Variants in ZDHHC14 observed in about 807,000 individuals in gnomAD.
ZDHHC14 encodes palmitoyltransferase ZDHHC14.
Under a neutral mutation model 47.7 loss-of-function variants are expected in ZDHHC14, and 16 were observed. The observed-to-expected ratio is 0.34, with a 90% CI of 0.23 to 0.51. The LOEUF (loss-of-function observed/expected upper bound fraction) is 0.51. Among genes scored for constraint, ZDHHC14 ranks in the 20% least tolerant of loss-of-function variants. ZDHHC14 has a pLI of 0.97. For missense variants in ZDHHC14, 515 were observed against 662.5 expected, an observed-to-expected ratio of 0.78 and a Z score of 2.44; for synonymous variants, 293 against 278.9, an observed-to-expected ratio of 1.05 and a Z score of -0.50.
chr6:157,639,582 G>T (rs181686213), intron 5 of ZDHHC14, among the ~76,000 whole-genome samples: 1 of 152,334 alleles, frequency 6.6e-6, no homozygotes, highest in Admixed American at 6.5e-5. Context: ...GATTACAGGC[G>T]TGAGCCACTG....
intron 8 of ZDHHC14, among the ~76,000 whole-genome samples, chr6:157,654,103 G>T (rs16900301): frequency 6.6e-6 from 1 of 152,118 alleles, no homozygotes; most frequent in Non-Finnish European, 1.5e-5. Context: ...GTAAAATAGC[G>T]CAAATGATCA....
At chr6:157,436,037 T>C (rs1778433917) in intron 1 of ZDHHC14, among the ~76,000 whole-genome samples, 1 of 152,014 alleles carries the variant, frequency 6.6e-6, no homozygotes, top group African/African-American at 2.4e-5. Flanking sequence ...ACTGGTGACT[T>C]GGGCAAGGAG....
chr6:157,431,664 G>A (rs1322757040), intron 1 of ZDHHC14, among the ~76,000 whole-genome samples: 2 of 152,062 alleles, frequency 1.3e-5, no homozygotes, highest in Admixed American at 6.5e-5. Flanking sequence ...AACCAAACAA[G>A]CCACAATAAA....
At chr6:157,663,797 C>T (rs898052427) in intron 8 of ZDHHC14, among the ~76,000 whole-genome samples, 1 of 152,236 alleles carries the variant, frequency 6.6e-6, no homozygotes, top group African/African-American at 2.4e-5. Context: ...ACTTCCCAGA[C>T]TATACCACAT....
chr6:157,435,538 T>C (rs9364990), intron 1 of ZDHHC14, among the ~76,000 whole-genome samples: 36,490 of 151,704 alleles, frequency 0.24, 4,671 homozygotes, highest in African/African-American at 0.32. Context: ...CATTTCTCTC[T>C]CTCTCTATCT....
At chr6:157,656,221 C>G (rs142768764) in intron 8 of ZDHHC14, among the ~76,000 whole-genome samples, 8 of 152,144 alleles carry the variant, frequency 5.3e-5, no homozygotes, top group African/African-American at 1.9e-4. Context: ...CTGAAGGCAC[C>G]GGGCTGTGAT....
Position 157,381,578 on chromosome 6 carries a change from G to A in ZDHHC14, c.-444G>A, listed in dbSNP as rs1251279775. 2.5e-6 allele frequency: 1 copy of A among 399,618 alleles called. No homozygotes were observed. Among genetic ancestry groups the A allele is most frequent in the Non-Finnish European group, 5.0e-6 (1 of 200,086 alleles). 24.8% of individuals were successfully genotyped at this position (399,618 alleles called of 1,614,324 possible). ...GCAGAAGTGGCTCCCGAGGAAGCCGGCGCCGGGGCCGCCGCCTCGTGTCCC... is the reference window on the plus strand; with the variant it reads ...GCAGAAGTGGCTCCCGAGGAAGCCGACGCCGGGGCCGCCGCCTCGTGTCCC... On this transcript the variant is annotated 5_prime_UTR_variant, in exon 1 of 9. Coordinates refer to ENST00000359775, the MANE Select transcript of ZDHHC14 (RefSeq NM_024630.3).
At chr6:157,444,966 A>T (rs536451419) in intron 1 of ZDHHC14, among the ~76,000 whole-genome samples, 77 of 152,192 alleles carry the variant, frequency 5.1e-4, no homozygotes, top group South Asian at 4.6e-3. Context: ...CTGGGCTCAA[A>T]ACATAACAGG....
At chr6:157,556,571 G>C (rs1428101554) in intron 2 of ZDHHC14, among the ~76,000 whole-genome samples, 1 of 152,204 alleles carries the variant, frequency 6.6e-6, no homozygotes, top group African/African-American at 2.4e-5. Flanking sequence ...AGGCGGAACG[G>C]GTCTCGAATC....
At chr6:157,447,318 G>A (rs1778696189) in intron 1 of ZDHHC14, among the ~76,000 whole-genome samples, 1 of 152,200 alleles carries the variant, frequency 6.6e-6, no homozygotes. Flanking sequence ...GGCGTCCAAG[G>A]GTCAAGTGGG....
intron 7 of ZDHHC14, among the ~76,000 whole-genome samples, chr6:157,647,809 C>T (rs1037330202): frequency 5.9e-5 from 9 of 152,258 alleles, no homozygotes; most frequent in Middle Eastern, 3.4e-3. Flanking sequence ...CCACATGGGC[C>T]GCAGTCGTTG....
At chr6:157,566,849 ATT>A (rs34288957) in intron 2 of ZDHHC14, among the ~76,000 whole-genome samples, 3,810 of 136,600 alleles carry the variant, frequency 0.028, 68 homozygotes, top group African/African-American at 0.053. Flanking sequence ...AGCAAGGGGA[ATT>A]TTTTTTTTTT....
chr6:157,622,282 C>T (rs375942758), intron 3 of ZDHHC14, among the ~76,000 whole-genome samples: 13 of 150,788 alleles, frequency 8.6e-5, no homozygotes, highest in African/African-American at 1.5e-4. Context: ...CCCAGCCACT[C>T]GGGAGGCTGA....
intron 3 of ZDHHC14, among the ~76,000 whole-genome samples, chr6:157,612,415 G>C (rs1784786716): frequency 6.6e-6 from 1 of 152,164 alleles, no homozygotes; most frequent in Admixed American, 6.6e-5. Flanking sequence ...CTCTCGGCTT[G>C]CACCGTAGTC....
intron 1 of ZDHHC14, among the ~76,000 whole-genome samples, chr6:157,492,034 C>G (rs545011692): frequency 1.3e-5 from 2 of 152,248 alleles, no homozygotes; most frequent in African/African-American, 2.4e-5. Flanking sequence ...ACTGCCTCGC[C>G]TTCATCACAG....
intron 1 of ZDHHC14, among the ~76,000 whole-genome samples, chr6:157,455,381 G>A (rs940858366): frequency 2.6e-5 from 4 of 152,362 alleles, no homozygotes; most frequent in South Asian, 2.1e-4. Flanking sequence ...GGAGGAAAGC[G>A]TTCTGGCCTG....
chr6:157,451,059 G>C (rs187182800), intron 1 of ZDHHC14, among the ~76,000 whole-genome samples: 10 of 150,358 alleles, frequency 6.7e-5, no homozygotes, highest in African/African-American at 2.2e-4. Flanking sequence ...GTTCTTTATG[G>C]ATGAGATCTG....
At chr6:157,465,096 CT>C (rs1044900041) in intron 1 of ZDHHC14, among the ~76,000 whole-genome samples, 6 of 117,754 alleles carry the variant, frequency 5.1e-5, no homozygotes, top group African/African-American at 1.9e-4. Context: ...GTGTTTTTTT[CT>C]CTTTCTCCTT....
chr6:157,382,489 G>A (rs1777234281), intron 1 of ZDHHC14, among the ~76,000 whole-genome samples: 1 of 152,186 alleles, frequency 6.6e-6, no homozygotes, highest in African/African-American at 2.4e-5. Context: ...GAGGGAAGGG[G>A]TCCACTTGCA....
Sources: allele counts gnomAD v4.1 joint callset (sites outside exome capture counted in the v4.1 genomes callset), GRCh38; gene constraint gnomAD v4.1.1; transcripts MANE v1.5; gene names NCBI Gene and HGNC (gene_info 2026-07-23, HGNC 2026-07-21).